The following SCAPER variants were observed in gnomAD, a reference collection of about 807,000 sequenced individuals.
SCAPER encodes the protein S-phase cyclin A associated protein in the ER.
SCAPER carries 98 observed loss-of-function variants against 182.2 expected under a neutral mutation model. The ratio of observed to expected loss-of-function variants is 0.54; its 90% confidence interval spans 0.46 to 0.64. The LOEUF (loss-of-function observed/expected upper bound fraction) is 0.64. Among genes scored for constraint, SCAPER ranks in the 30% least tolerant of loss-of-function variants. SCAPER has a pLI of 0.00. For missense variants in SCAPER, 1,432 were observed against 1,690.0 expected (o/e 0.85, Z 2.68); for synonymous variants, 605 against 564.6 (o/e 1.07, Z -1.01).
intron 17 of SCAPER, among the ~76,000 whole-genome samples, chr15:76,711,299 T>C (rs2059550448): frequency 2.0e-5 from 3 of 152,270 alleles, no homozygotes; most frequent in Admixed American, 2.0e-4. Flanking sequence ...ACAAAGAATG[T>C]ATATCCAGAA....
intron 8 of SCAPER, among the ~76,000 whole-genome samples, chr15:76,786,845 T>TA (rs2064647056): frequency 6.6e-6 from 1 of 152,228 alleles, no homozygotes; most frequent in South Asian, 2.1e-4. Flanking sequence ...ATTGCATTTC[T>TA]ATATACTAAT....
rs1410894369 is a variant in SCAPER, at chr15:76,348,798, ATAAAT to A, written c.4100-67_4100-63del. The A allele has an allele frequency of 3.9e-6, 4 of 1,022,654 alleles. No individual in the cohort carries two copies. The African/African-American group carries it at 4.9e-5, about 13-fold the overall frequency. The allele number at this position is 1,022,654 out of a possible 1,614,324, so 63.3% of individuals were successfully genotyped here. On this transcript the variant is annotated intron_variant, in intron 31 of 31. Coordinates refer to ENST00000563290, the MANE Select transcript of SCAPER (RefSeq NM_020843.4). ...AGAGGGTTAAATTCTTTGAAGATTC[ATAAAT>A]TAAACTTATTTTGATATCTGAGTAT...
chr15:76,597,849 T>C (rs2049622930), intron 22 of SCAPER, among the ~76,000 whole-genome samples: 1 of 121,092 alleles, frequency 8.3e-6, no homozygotes, highest in Non-Finnish European at 2.0e-5. Context: ...ATAAAAACCC[T>C]AGAAGAAAAC....
At chr15:76,425,974 G>C (rs952840506) in intron 26 of SCAPER, among the ~76,000 whole-genome samples, 24 of 152,232 alleles carry the variant, frequency 1.6e-4, no homozygotes, top group African/African-American at 5.8e-4. Context: ...TCTTCTGGAA[G>C]CTTCGTCTCA....
chr15:76,553,617 C>G (rs1051310710), intron 23 of SCAPER, among the ~76,000 whole-genome samples: 1 of 152,112 alleles, frequency 6.6e-6, no homozygotes, highest in Non-Finnish European at 1.5e-5. Context: ...CTAGGCCCCT[C>G]CAGCACAGCA....
At chr15:76,711,318 G>C (rs2059551720) in intron 17 of SCAPER, among the ~76,000 whole-genome samples, 2 of 152,040 alleles carry the variant, frequency 1.3e-5, no homozygotes, top group South Asian at 2.1e-4. Context: ...AACATATAAA[G>C]AATTCTTACA....
At chr15:76,629,268 G>A (rs561139431) in intron 21 of SCAPER, among the ~76,000 whole-genome samples, 4 of 152,210 alleles carry the variant, frequency 2.6e-5, no homozygotes, top group South Asian at 2.1e-4. Flanking sequence ...CTTGCCTGAC[G>A]GCCCTGGCCA....
chr15:76,411,960 A>G (rs1211683512), intron 26 of SCAPER, among the ~76,000 whole-genome samples: 2 of 152,142 alleles, frequency 1.3e-5, no homozygotes, highest in Non-Finnish European at 2.9e-5. Context: ...ATCCAAATAA[A>G]TCTTTCCCCC....
intron 29 of SCAPER, among the ~76,000 whole-genome samples, chr15:76,370,291 A>ATTTTTTTTTTTTTTTT (rs10524497): frequency 7.5e-5 from 9 of 119,454 alleles, no homozygotes; most frequent in African/African-American, 1.1e-4. Context: ...TACCATTTCA[A>ATTTTTTTTTTTTTTTT]TTTTTTTTTT....
Position 76,488,714 on chromosome 15 carries a change from C to CTTTTTTTTTT in SCAPER, c.2954+16135_2954+16144dup, listed in dbSNP as rs71143333. On this transcript the variant is annotated intron_variant, in intron 24 of 31. Coordinates refer to ENST00000563290, the MANE Select transcript of SCAPER (RefSeq NM_020843.4). ...TTGCATCCTGATAACAGTACACTGC[C>CTTTTTTTTTT]TTTTTTTTTTTTTTTTTTTTTTTTT... Among the ~76,000 whole-genome samples the CTTTTTTTTTT allele has an allele frequency of 2.2e-3, 206 of 93,078 alleles. 17 individuals are homozygous for CTTTTTTTTTT. The highest frequency in any genetic ancestry group is 5.6e-3 in the East Asian group (14 of 2,484). The allele number at this position is 93,078 out of a possible 152,430, so 61.1% of individuals were successfully genotyped here.
chr15:76,538,265 A>G (rs1047525528), intron 23 of SCAPER, among the ~76,000 whole-genome samples: 1 of 149,982 alleles, frequency 6.7e-6, no homozygotes, highest in African/African-American at 2.5e-5. Context: ...ACACATGCAC[A>G]TGTATGTTTA....
At chr15:76,735,920 T>C (rs2061237612) in intron 15 of SCAPER, among the ~76,000 whole-genome samples, 1 of 152,182 alleles carries the variant, frequency 6.6e-6, no homozygotes, top group Admixed American at 6.5e-5. Context: ...AGACAGTACC[T>C]ATATAGTCAG....
Position 76,665,761 on chromosome 15 carries a change from A to G in SCAPER, c.2537T>C (p.Ile846Thr), listed in dbSNP as rs774346018. Residue 846 changes from isoleucine to threonine, a missense_variant, in exon 21 of 32, where the codon ATT (isoleucine) becomes ACT (threonine). By Grantham distance (89) the Ile-to-Thr change is moderately conservative. This residue lies in a region of SCAPER where 718 missense variants were observed against 799.7 expected (regional missense o/e 0.90). Transcript: ENST00000563290. ...VEHLSLKKYIIDIVVESTAPA... is the reference protein window; with the variant it reads ...VEHLSLKKYITDIVVESTAPA... ...AGCTGTACTTTCAACCACAATGTCAATAATGTACTTCTTCAAGGAAAGATG... is the reference window on the plus strand; with the variant it reads ...AGCTGTACTTTCAACCACAATGTCAGTAATGTACTTCTTCAAGGAAAGATG... 6 of 1,539,850 alleles carry G rather than the reference A, an allele frequency of 3.9e-6. No homozygotes were observed. Among genetic ancestry groups the G allele is most frequent in the Middle Eastern group, 2.3e-4 (1 of 4,428 alleles).
At chr15:76,717,601 A>G (rs1458681588) in intron 17 of SCAPER, among the ~76,000 whole-genome samples, 1 of 152,156 alleles carries the variant, frequency 6.6e-6, no homozygotes, top group Non-Finnish European at 1.5e-5. Context: ...AAAACAGCTG[A>G]TAACAACTTA....
At chr15:76,519,881 T>C (rs968297296) in intron 23 of SCAPER, among the ~76,000 whole-genome samples, 2 of 152,214 alleles carry the variant, frequency 1.3e-5, no homozygotes, top group African/African-American at 4.8e-5. Context: ...TTCCTTTTTC[T>C]AGGCTTCACA....
intron 14 of SCAPER, among the ~76,000 whole-genome samples, chr15:76,754,886 T>C (rs183298966): frequency 1.3e-5 from 2 of 152,272 alleles, no homozygotes; most frequent in Non-Finnish European, 2.9e-5. Context: ...TGAGGTTCAG[T>C]ACCTGCCCTG....
At chr15:76,646,302 C>T (rs532473868) in intron 21 of SCAPER, among the ~76,000 whole-genome samples, 4 of 152,182 alleles carry the variant, frequency 2.6e-5, no homozygotes, top group South Asian at 2.1e-4. Flanking sequence ...CCTCTCTCTG[C>T]CCCATTTCAG....
chr15:76,847,244 AAATGGAAAG>A (rs1402071136), intron 4 of SCAPER, among the ~76,000 whole-genome samples: 1 of 152,206 alleles, frequency 6.6e-6, no homozygotes, highest in Non-Finnish European at 1.5e-5. Context: ...GGGTACAAAA[AAATGGAAAG>A]AATGGGTGCA....
chr15:76,641,533 C>A (rs559897902), intron 21 of SCAPER, among the ~76,000 whole-genome samples: 28 of 152,128 alleles, frequency 1.8e-4, no homozygotes, highest in Non-Finnish European at 3.7e-4. Context: ...GCTGATCCGC[C>A]TGGGAACAAA....
Sources: allele counts gnomAD v4.1 joint callset (sites outside exome capture counted in the v4.1 genomes callset), GRCh38; gene constraint gnomAD v4.1.1; regional missense constraint gnomAD v4.1.1; transcripts MANE v1.5; gene names NCBI Gene and HGNC (gene_info 2026-07-23, HGNC 2026-07-21).